NUP210L: variants seen among roughly 807,000 people sequenced by gnomAD.
The protein encoded by NUP210L is nuclear pore membrane glycoprotein 210-like.
Under a neutral mutation model 208.5 loss-of-function variants are expected in NUP210L, and 74 were observed. That is an observed-to-expected ratio of 0.35 (90% CI 0.29 to 0.43). NUP210L has a LOEUF of 0.43. Ranked by LOEUF, NUP210L falls within the 20% of genes least tolerant of loss-of-function variation. NUP210L has a pLI of 1.00. For synonymous variants in NUP210L, 780 were observed against 816.9 expected, an observed-to-expected ratio of 0.95 and a Z score of 0.77; for missense variants, 1,843 against 2,289.4, an observed-to-expected ratio of 0.81 and a Z score of 3.98.
chr1:154,120,370 C>A (rs1200327047), intron 10 of NUP210L, among the ~76,000 whole-genome samples: 1 of 151,974 alleles, frequency 6.6e-6, no homozygotes, highest in Non-Finnish European at 1.5e-5. Flanking sequence ...AGCAAACTAT[C>A]ACAAGGACAA....
At chr1:154,103,073 T>C (rs1656551201) in intron 13 of NUP210L, among the ~76,000 whole-genome samples, 1 of 144,064 alleles carries the variant, frequency 6.9e-6, no homozygotes, top group Non-Finnish European at 1.5e-5. Flanking sequence ...GGTGAGACCC[T>C]GTCTCTAATA....
At chr1:154,042,128 C>T (rs1445303609) in intron 27 of NUP210L, among the ~76,000 whole-genome samples, 1 of 151,598 alleles carries the variant, frequency 6.6e-6, no homozygotes, top group African/African-American at 2.4e-5. Context: ...GAGACAGGGT[C>T]TCACTCTGTT....
intron 33 of NUP210L, among the ~76,000 whole-genome samples, chr1:154,013,692 G>A (rs1651089916): frequency 6.6e-6 from 1 of 152,118 alleles, no homozygotes; most frequent in Non-Finnish European, 1.5e-5. Flanking sequence ...AATCTTTTCT[G>A]AAACTTCAAA....
chr1:154,143,945 G>A (rs558744122), intron 2 of NUP210L, among the ~76,000 whole-genome samples: 1 of 152,266 alleles, frequency 6.6e-6, no homozygotes, highest in East Asian at 1.9e-4. Context: ...ACTTTGGGAG[G>A]CTGAGGTGGG....
At chr1:154,010,394 G>C (rs1162164093) in intron 34 of NUP210L, among the ~76,000 whole-genome samples, 1 of 152,012 alleles carries the variant, frequency 6.6e-6, no homozygotes, top group Admixed American at 6.6e-5. Context: ...AAATCTTTGA[G>C]ATGAAGTCTT....
chr1:154,013,758 TTTTG>T lies in NUP210L; in HGVS notation c.4654-1392_4654-1389del, dbSNP rs544355019. ...CTATTCTGCCTTATATTGTAAGTTTTTTTGTTTGTTTGTTTGTTTGTTTTGAGAC... is the reference window on the plus strand; with the variant it reads ...CTATTCTGCCTTATATTGTAAGTTTTTTTGTTTGTTTGTTTGTTTTGAGAC... On this transcript the variant is annotated intron_variant, in intron 33 of 39. Coordinates refer to ENST00000368559, the Ensembl canonical transcript of NUP210L. Among the ~76,000 whole-genome samples the T allele has an allele frequency of 1.6e-3, 242 of 152,208 alleles. 1 individual carries two copies. Among genetic ancestry groups the T allele is most frequent in the Admixed American group, 7.1e-3 (108 of 15,262 alleles).
intron 16 of NUP210L, among the ~76,000 whole-genome samples, chr1:154,078,361 G>A (rs1655149354): frequency 1.3e-5 from 2 of 151,966 alleles, no homozygotes; most frequent in Non-Finnish European, 2.9e-5. Context: ...TTGGAAGGCC[G>A]AGGTGGGTGG....
chr1:154,047,219 T>C (rs1453614015), intron 25 of NUP210L, among the ~76,000 whole-genome samples: 3 of 151,822 alleles, frequency 2.0e-5, no homozygotes, highest in African/African-American at 7.3e-5. Flanking sequence ...AACAATAAGT[T>C]ATTGTTTATT....
chr1:154,134,032 C>T (rs1472459538), intron 7 of NUP210L, among the ~76,000 whole-genome samples: 1 of 151,586 alleles, frequency 6.6e-6, no homozygotes, highest in Admixed American at 6.6e-5. Context: ...CACCTGTAAT[C>T]CCAGCTGCTT....
rs574643259 is a variant in NUP210L at position 154,104,454 on chromosome 1, A to G, written c.1621-244T>C. ...CTGAAGGGGCAAGAAAAGAGTCTAG[A>G]ATTGCCAACATCACCTCTCTTCCTT... On this transcript the variant is annotated intron_variant, in intron 12 of 39. Coordinates refer to ENST00000368559, the Ensembl canonical transcript of NUP210L. 28 of 468,526 alleles carry G rather than the reference A, an allele frequency of 6.0e-5. No individual in the cohort carries two copies. The Admixed American group carries it at 8.2e-4, about 14-fold the overall frequency. 29.0% of individuals were successfully genotyped at this position (468,526 alleles called of 1,614,324 possible).
chr1:154,022,325 A>G lies in NUP210L; in HGVS notation c.4317T>C (p.Ile1439=), dbSNP rs1332958617. ...AAGTATAGTTCTTATTCCCTGGTCC[A>G]ATATGCAGCAAGTCATCTCTGCAAG... is the stretch of plus-strand genomic sequence containing the variant. Residue 1439 remains isoleucine, a synonymous_variant, in exon 32 of 40, where the codon ATT becomes ATC. Transcript: ENST00000368559. 6 of 1,614,042 alleles carry G rather than the reference A, an allele frequency of 3.7e-6. No individual in the cohort carries two copies. The East Asian group carries it at 1.3e-4, about 36-fold the overall frequency.
At chr1:154,028,738 GTTTCT>G (rs1216618549) in intron 28 of NUP210L, among the ~76,000 whole-genome samples, 2 of 152,060 alleles carry the variant, frequency 1.3e-5, no homozygotes, top group Non-Finnish European at 2.9e-5. Flanking sequence ...GTGTGCTACA[GTTTCT>G]TTTCTTTTTT....
chr1:154,016,270 A>G (rs1651242277), intron 33 of NUP210L, among the ~76,000 whole-genome samples: 1 of 152,034 alleles, frequency 6.6e-6, no homozygotes, highest in Non-Finnish European at 1.5e-5. Context: ...GAAAAAAAAA[A>G]GATGAGAAGT....
At chr1:154,100,050 C>T in exon 14 of NUP210L, 6 of 1,614,064 alleles carry the variant, frequency 3.7e-6, no homozygotes, top group South Asian at 3.3e-5. Context: ...GTACTTGTCA[C>T]ATTCATTCAC....
chr1:154,120,662 A>T (rs1375008352), intron 10 of NUP210L, among the ~76,000 whole-genome samples: 1 of 151,500 alleles, frequency 6.6e-6, no homozygotes, highest in Non-Finnish European at 1.5e-5. Flanking sequence ...TGCATTATCC[A>T]AGGTGGCCAG....
chr1:154,131,820 G>A (rs1447181572), intron 7 of NUP210L, among the ~76,000 whole-genome samples: 2 of 150,630 alleles, frequency 1.3e-5, no homozygotes, highest in African/African-American at 4.9e-5. Context: ...TTTTTCTTTA[G>A]TTGAGACTCA....
intron 17 of NUP210L, among the ~76,000 whole-genome samples, chr1:154,067,075 C>G (rs1654458606): frequency 6.6e-6 from 1 of 152,142 alleles, no homozygotes; most frequent in South Asian, 2.1e-4. Context: ...AAGAGGGAAT[C>G]CTCCCTAACT....
At chr1:154,055,809 CTAAAA>C (rs1287688289) in intron 23 of NUP210L, among the ~76,000 whole-genome samples, 1 of 152,134 alleles carries the variant, frequency 6.6e-6, no homozygotes, top group Non-Finnish European at 1.5e-5. Context: ...AGTAGGAATA[CTAAAA>C]TAAGTTATAT....
intron 7 of NUP210L, among the ~76,000 whole-genome samples, chr1:154,131,033 G>A (rs574021402): frequency 1.1e-4 from 16 of 152,112 alleles, no homozygotes; most frequent in Middle Eastern, 3.4e-3. Context: ...TTGGGAGGCC[G>A]AGACGGGTGG....
Sources: allele counts gnomAD v4.1 joint callset (sites outside exome capture counted in the v4.1 genomes callset), GRCh38; gene constraint gnomAD v4.1.1; transcripts MANE v1.5; gene names NCBI Gene and HGNC (gene_info 2026-07-23, HGNC 2026-07-21).